PDLIM3: variants seen among roughly 807,000 people sequenced by gnomAD.
The protein encoded by PDLIM3 is PDZ and LIM domain protein 3.
A neutral mutation model predicts 37.3 loss-of-function variants in PDLIM3; 36 were observed. The ratio of observed to expected loss-of-function variants is 0.97; its 90% CI spans 0.74 to 1.28. PDLIM3 has a LOEUF of 1.28. PDLIM3 is among the 50% of genes most tolerant of loss of function. The probability of loss-of-function intolerance (pLI) is 0.00; values close to 1 mark genes in which losing one functional copy is unlikely to be tolerated. For synonymous variants in PDLIM3, 174 were observed against 182.4 expected (o/e 0.95, Z 0.37); for missense variants, 454 against 485.0 (o/e 0.94, Z 0.60).
In PDLIM3 at chr4:185,504,544, G is replaced by A. The variant is rs150070443; in HGVS notation, c.836C>T (p.Thr279Met). ...CCCGCCTGAACCGCCATGGACTTTC[G>A]TCACCGGAGCTCTCACACTCCGCGT... Reference protein sequence around the residue: ...AGTRSVRAPVTKVHGGSGGAQ... With the variant: ...AGTRSVRAPVMKVHGGSGGAQ... The change falls in exon 7 of 8, where the codon ACG becomes ATG. Residue 279 changes from threonine to methionine, a missense_variant. By Grantham distance (81) the Thr-to-Met change is moderately conservative. Coordinates refer to ENST00000284767, the MANE Select transcript of PDLIM3 (RefSeq NM_014476.6). The surrounding 1 kb of genome is among the most constrained non-coding windows in gnomAD (Gnocchi z 4.7). 4.7e-5 allele frequency: 76 copies of A among 1,614,000 alleles called. No individual in the cohort carries two copies. The highest frequency in any genetic ancestry group is 8.0e-5 in the African/African-American group (6 of 74,912).
At chr4:185,530,482 G>C (rs1372660560) in intron 1 of PDLIM3, among the ~76,000 whole-genome samples, 1 of 152,138 alleles carries the variant, frequency 6.6e-6, no homozygotes, top group African/African-American at 2.4e-5. Flanking sequence ...ATAGGAAGGA[G>C]GGAGGAGTGA....
chr4:185,524,902 G>T (rs1397333348), intron 2 of PDLIM3, 118 bp downstream of exon 2: 8 of 962,444 alleles, frequency 8.3e-6, no homozygotes, highest in Non-Finnish European at 1.2e-5. Flanking sequence ...TATATAAAAA[G>T]TCAGCCAAAA....
At chr4:185,527,186 C>G (rs2153338705) in intron 1 of PDLIM3, among the ~76,000 whole-genome samples, 1 of 152,236 alleles carries the variant, frequency 6.6e-6, no homozygotes, top group Non-Finnish European at 1.5e-5. Context: ...TTAATGTCAA[C>G]TTGTCATTGC....
chr4:185,504,891 TA>T lies in PDLIM3; in HGVS notation c.794-306del, dbSNP rs2095694098. 6.6e-6 allele frequency among the ~76,000 whole-genome samples: 1 copy of T among 152,212 alleles called. No homozygotes were observed. Among genetic ancestry groups the T allele is most frequent in the South Asian group, 2.1e-4 (1 of 4,830 alleles). ...TAAAATTTACCATTTTCACCATGGT[TA>T]GGGGTGCAATTCAATGACATTAGGT... On this transcript the variant is annotated intron_variant, in intron 6 of 7. Coordinates refer to ENST00000284767, the MANE Select transcript of PDLIM3 (RefSeq NM_014476.6). This position sits in a 1 kb window ranked among gnomAD's most constrained non-coding sequence, Gnocchi z 4.7.
chr4:185,504,534 A>G lies in PDLIM3; in HGVS notation c.846T>C (p.His282=), dbSNP rs199532295. The part of the protein sequence containing the change: ...RSVRAPVTKV[H]GGSGGAQRMP... ...TCCTCTGTGCCCCGCCTGAACCGCCATGGACTTTCGTCACCGGAGCTCTCA... is the reference window on the plus strand; with the variant it reads ...TCCTCTGTGCCCCGCCTGAACCGCCGTGGACTTTCGTCACCGGAGCTCTCA... Residue 282 remains histidine (H), a synonymous_variant, in exon 7 of 8, where the codon CAT becomes CAC. Transcript: ENST00000284767. This position sits in a 1 kb window ranked among gnomAD's most constrained non-coding sequence, Gnocchi z 4.7. 3 of 1,614,216 alleles carry G rather than the reference A, an allele frequency of 1.9e-6. No individual in the cohort carries two copies. Among genetic ancestry groups the G allele is most frequent in the East Asian group, 2.2e-5 (1 of 44,892 alleles).
At position 185,528,635 on chromosome 4, in the gene PDLIM3, C is replaced by T. The variant is rs7690480; in HGVS notation, c.94-3464G>A. On this transcript the variant is annotated intron_variant, in intron 1 of 7. Transcript: ENST00000284767. Reference sequence around the variant, plus strand: ...CTGAGCAGCTGTACAGCTATGTCACCAGCTCCTTCAGAAGTCAGCTAGGAC... The same window carrying T: ...CTGAGCAGCTGTACAGCTATGTCACTAGCTCCTTCAGAAGTCAGCTAGGAC... 9.9e-3 allele frequency among the ~76,000 whole-genome samples: 1,509 copies of T among 152,322 alleles called. 31 individuals carry two copies. The highest frequency in any genetic ancestry group is 0.035 in the African/African-American group (1,445 of 41,564).
intron 6 of PDLIM3, 80 bp downstream of exon 6, chr4:185,506,442 G>T: frequency 6.4e-7 from 1 of 1,566,438 alleles, no homozygotes; most frequent in Non-Finnish European, 8.7e-7. Flanking sequence ...TTCATTCCCA[G>T]TATGTTTGCT....
At position 185,504,344 on chromosome 4, in the gene PDLIM3, A is replaced by C. The variant is rs1201916788; in HGVS notation, c.905+131T>G. On this transcript the variant is annotated intron_variant, in intron 7 of 7. Transcript: ENST00000284767. This position sits in a 1 kb window ranked among gnomAD's most constrained non-coding sequence, Gnocchi z 4.7. ...AGTCACAATGTGCTAAATGTTGGGG[A>C]CCTTACGTTTCAAGTTGATGAATAG... 6.9e-6 allele frequency: 5 copies of C among 728,156 alleles called. No individual in the cohort carries two copies. The highest frequency in any genetic ancestry group is 1.2e-5 in the Non-Finnish European group (5 of 411,222). 45.1% of individuals were successfully genotyped at this position (728,156 alleles called of 1,614,324 possible).
chr4:185,531,746 CT>C (rs1383401561), intron 1 of PDLIM3, among the ~76,000 whole-genome samples: 1 of 151,930 alleles, frequency 6.6e-6, no homozygotes, highest in Non-Finnish European at 1.5e-5. Flanking sequence ...CTTTTTGTGG[CT>C]TTAAGTGTAG....
intron 1 of PDLIM3, 30 bp downstream of exon 1, chr4:185,535,312 C>G: frequency 6.3e-7 from 1 of 1,577,444 alleles, no homozygotes; most frequent in Non-Finnish European, 8.6e-7. Context: ...GTCCCCACCT[C>G]GCAGCAAAAG....
chr4:185,520,977 T>A (rs2095722849), intron 3 of PDLIM3, among the ~76,000 whole-genome samples: 1 of 66,426 alleles, frequency 1.5e-5, no homozygotes, highest in African/African-American at 2.7e-5. Context: ...GCAGAGTCCC[T>A]TCTGGTTGGT....
rs775360491 is a variant in PDLIM3 at position 185,504,487 on chromosome 4, C to T, written c.893G>A (p.Gly298Glu). The T allele has an allele frequency of 1.2e-6, 2 of 1,612,914 alleles. No homozygotes were observed. The highest frequency in any genetic ancestry group is 2.2e-5 in the South Asian group (2 of 91,056). ...AAGTGAAACTTACACTATGCCACTC[C>T]CACATTTGTCACAGAGCGGCATCCT... Reference protein sequence around the residue: ...AQRMPLCDKCGSGIVGAVVKA... With the variant: ...AQRMPLCDKCESGIVGAVVKA... The change falls in exon 7 of 8, where the codon GGG becomes GAG. Residue 298 changes from glycine to glutamate, a missense_variant. Coordinates refer to ENST00000284767, the MANE Select transcript of PDLIM3 (RefSeq NM_014476.6). The surrounding 1 kb of genome is among the most constrained non-coding windows in gnomAD (Gnocchi z 4.7).
intron 4 of PDLIM3, among the ~76,000 whole-genome samples, chr4:185,510,361 A>G (rs2095704579): frequency 2.0e-5 from 3 of 152,188 alleles, no homozygotes; most frequent in Non-Finnish European, 4.4e-5. Flanking sequence ...AACAATGATC[A>G]ATTTAGAACT....
intron 1 of PDLIM3, among the ~76,000 whole-genome samples, chr4:185,534,972 A>C (rs1017470064): frequency 3.3e-5 from 5 of 152,204 alleles, no homozygotes; most frequent in African/African-American, 1.2e-4. Flanking sequence ...TTGTTACGGA[A>C]GGGCGATGGG....
chr4:185,525,813 C>G (rs958337517), intron 1 of PDLIM3, among the ~76,000 whole-genome samples: 1 of 152,160 alleles, frequency 6.6e-6, no homozygotes, highest in African/African-American at 2.4e-5. Flanking sequence ...GAAACAATAA[C>G]AAGTGAGGTG....
At chr4:185,532,333 G>A (rs1309413491) in intron 1 of PDLIM3, among the ~76,000 whole-genome samples, 5 of 152,160 alleles carry the variant, frequency 3.3e-5, no homozygotes, top group African/African-American at 9.7e-5. Context: ...TTCTGCCTTC[G>A]GGGAATGTGC....
In PDLIM3 at chr4:185,514,480, C is replaced by A; in HGVS notation, c.331-143G>T. On this transcript the variant is annotated intron_variant, in intron 3 of 7. Transcript: ENST00000284767. The surrounding 1 kb of genome is among the most constrained non-coding windows in gnomAD (Gnocchi z 4.0). Reference sequence around the variant, plus strand: ...AAGAAAGGCGATGACGGGACCAGGACGATGTCTTCTTTCCAACCATCTATC... The same window carrying A: ...AAGAAAGGCGATGACGGGACCAGGAAGATGTCTTCTTTCCAACCATCTATC... 2 of 1,519,254 alleles carry A rather than the reference C, an allele frequency of 1.3e-6. No homozygotes were observed. Among genetic ancestry groups the A allele is most frequent in the Non-Finnish European group, 1.8e-6 (2 of 1,112,600 alleles). The allele number at this position is 1,519,254 out of a possible 1,614,324, so 94.1% of individuals were successfully genotyped here. A position where few individuals can be genotyped will look rare whatever the true frequency, so the allele number is the denominator to read the frequency against.
rs1480934677 is a variant in PDLIM3, at chr4:185,508,639, G to A, written c.399-77C>T. ...CCAGACAGAAGAACACAGAGAACACGTACAGAGAGGTTAAAAGGAATTGAA... is the reference window on the plus strand; with the variant it reads ...CCAGACAGAAGAACACAGAGAACACATACAGAGAGGTTAAAAGGAATTGAA... On this transcript the variant is annotated intron_variant, in intron 4 of 7. Coordinates refer to ENST00000284767, the MANE Select transcript of PDLIM3 (RefSeq NM_014476.6). 55 of 1,437,178 alleles carry A rather than the reference G, an allele frequency of 3.8e-5. No individual in the cohort carries two copies. The East Asian group carries it at 5.0e-4, about 13-fold the overall frequency. The allele number at this position is 1,437,178 out of a possible 1,614,324, so 89.0% of individuals were successfully genotyped here.
intron 1 of PDLIM3, among the ~76,000 whole-genome samples, chr4:185,529,858 A>G (rs1053867101): frequency 7.9e-5 from 12 of 152,096 alleles, no homozygotes; most frequent in African/African-American, 2.9e-4. Context: ...GAAAACCTGA[A>G]ATTCCCATCT....
Sources: gnomAD v4.1 joint callset for allele counts (sites outside exome capture counted in the v4.1 genomes callset) on GRCh38, gnomAD v4.1.1 for gene constraint, Gnocchi (gnomAD v3.1) non-coding constraint, MANE v1.5 for transcripts, NCBI Gene and HGNC (gene_info 2026-07-23, HGNC 2026-07-21) for gene names.